ABCC1: variants seen among roughly 807,000 people sequenced by gnomAD.
ABCC1 encodes the protein multidrug resistance-associated protein 1.
ABCC1 carries 83 observed loss-of-function variants against 172.9 expected under a neutral mutation model. That is an observed-to-expected ratio of 0.48 (90% CI 0.40 to 0.58). The LOEUF is 0.58. Ranked by LOEUF, ABCC1 falls within the 20% of genes least tolerant of loss-of-function variation. ABCC1 has a pLI of 0.00. For missense variants in ABCC1, 1,817 were observed against 2,002.7 expected, an observed-to-expected ratio of 0.91 and a Z score of 1.77; for synonymous variants, 937 against 825.2, an observed-to-expected ratio of 1.14 and a Z score of -2.32.
intron 17 of ABCC1, 125 bp downstream of exon 17, chr16:16,083,667 G>A (rs1252498252): frequency 3.1e-6 from 4 of 1,272,444 alleles, no homozygotes; most frequent in Non-Finnish European, 4.4e-6. Context: ...CAGCTGGGCG[G>A]CTCTGCTGCA....
chr16:16,103,820 G>A (rs1032462900), intron 20 of ABCC1, among the ~76,000 whole-genome samples: 3 of 152,180 alleles, frequency 2.0e-5, no homozygotes, highest in African/African-American at 7.2e-5. Flanking sequence ...CATGGTTATG[G>A]TCCGGAATTG....
chr16:15,954,526 A>T (rs193064919), intron 1 of ABCC1, among the ~76,000 whole-genome samples: 1 of 151,388 alleles, frequency 6.6e-6, no homozygotes, highest in Admixed American at 6.6e-5. Context: ...CTTTGGGAGG[A>T]GATGAGGGTG....
intron 1 of ABCC1, among the ~76,000 whole-genome samples, chr16:15,990,308 A>T (rs1279917955): frequency 6.6e-6 from 1 of 152,168 alleles, no homozygotes; most frequent in African/African-American, 2.4e-5. Context: ...CGGCCTCCCA[A>T]AGTGCTGGGA....
intron 19 of ABCC1, among the ~76,000 whole-genome samples, chr16:16,100,884 C>A (rs1453622570): frequency 2.0e-5 from 3 of 152,178 alleles, no homozygotes; most frequent in Non-Finnish European, 4.4e-5. Context: ...AGTGAGAGAA[C>A]ACTTCCCACA....
intron 21 of ABCC1, among the ~76,000 whole-genome samples, chr16:16,110,174 T>G (rs1214593099): frequency 6.6e-6 from 1 of 151,932 alleles, no homozygotes; most frequent in Non-Finnish European, 1.5e-5. Flanking sequence ...AAGTTTGGCT[T>G]GGTGCAACCT....
At chr16:16,129,838 C>T (rs1026588590) in intron 26 of ABCC1, among the ~76,000 whole-genome samples, 1 of 152,142 alleles carries the variant, frequency 6.6e-6, no homozygotes, top group Non-Finnish European at 1.5e-5. Flanking sequence ...GCGCCGGCAA[C>T]GCTGTGATTT....
chr16:16,064,294 A>G (rs1203952556), intron 12 of ABCC1, among the ~76,000 whole-genome samples: 1 of 152,146 alleles, frequency 6.6e-6, no homozygotes, highest in Non-Finnish European at 1.5e-5. Context: ...CTGGAGCCCC[A>G]GTCATTGTGC....
chr16:15,968,642 G>A (rs148093330), intron 1 of ABCC1, among the ~76,000 whole-genome samples: 1 of 152,162 alleles, frequency 6.6e-6, no homozygotes, highest in African/African-American at 2.4e-5. Flanking sequence ...CTCCCAAAGT[G>A]CTGGGATTAC....
intron 19 of ABCC1, among the ~76,000 whole-genome samples, chr16:16,091,365 C>A (rs1315710657): frequency 8.1e-6 from 1 of 124,072 alleles, no homozygotes; most frequent in African/African-American, 3.1e-5. Context: ...AGGAGGAATT[C>A]AAGACCAGCC....
At chr16:16,118,144 A>G (rs1329757096) in intron 23 of ABCC1, among the ~76,000 whole-genome samples, 3 of 152,210 alleles carry the variant, frequency 2.0e-5, no homozygotes, top group Non-Finnish European at 2.9e-5. Context: ...TTACCGCTAA[A>G]GGATTAACCG....
chr16:16,007,881 C>T lies in ABCC1; in HGVS notation c.114C>T (p.Leu38=), dbSNP rs745945401. Residue 38 remains leucine (L), a synonymous_variant, in exon 2 of 31, where the codon CTC becomes CTT. Coordinates refer to ENST00000399410, the MANE Select transcript of ABCC1 (RefSeq NM_004996.4). ...CCAAGTGCTTTCAGAACACGGTCCTCGTGTGGGTGCCTTGTTTTTACCTCT... is the reference window on the plus strand; with the variant it reads ...CCAAGTGCTTTCAGAACACGGTCCTTGTGTGGGTGCCTTGTTTTTACCTCT... ...DFTKCFQNTV[L]VWVPCFYLWA... The T allele has an allele frequency of 7.4e-6, 12 of 1,613,660 alleles. No individual in the cohort carries two copies. The highest frequency in any genetic ancestry group is 3.3e-5 in the Admixed American group (2 of 59,912).
intron 1 of ABCC1, among the ~76,000 whole-genome samples, chr16:15,984,444 T>C (rs2046698053): frequency 1.7e-5 from 1 of 58,686 alleles, no homozygotes; most frequent in South Asian, 5.9e-4. Context: ...TACCTTGATA[T>C]ATACTTTTTT....
At chr16:15,984,946 CACAAAAATT>C (rs1243883110) in intron 1 of ABCC1, among the ~76,000 whole-genome samples, 1 of 151,676 alleles carries the variant, frequency 6.6e-6, no homozygotes, top group African/African-American at 2.4e-5. Flanking sequence ...CTACAAAAAT[CACAAAAATT>C]GGCTGGGCGT....
intron 5 of ABCC1, among the ~76,000 whole-genome samples, chr16:16,017,286 A>G (rs747670313): frequency 1.3e-5 from 2 of 152,080 alleles, no homozygotes; most frequent in Non-Finnish European, 2.9e-5. Flanking sequence ...GCTGGAGTGC[A>G]GTGGTGTGAT....
At chr16:16,027,022 C>T (rs1300555739) in intron 5 of ABCC1, among the ~76,000 whole-genome samples, 3 of 152,036 alleles carry the variant, frequency 2.0e-5, no homozygotes, top group Admixed American at 6.6e-5. Context: ...TTTTACTGGG[C>T]CGAGGGAAGG....
At chr16:16,038,794 A>G (rs1470407889) in intron 7 of ABCC1, among the ~76,000 whole-genome samples, 2 of 151,934 alleles carry the variant, frequency 1.3e-5, no homozygotes, top group Admixed American at 1.3e-4. Context: ...ATTCCTCATC[A>G]TCCACGCCTC....
At chr16:16,124,198 G>T (rs896654542) in intron 24 of ABCC1, among the ~76,000 whole-genome samples, 16 of 152,034 alleles carry the variant, frequency 1.1e-4, no homozygotes, top group Admixed American at 4.6e-4. Flanking sequence ...TTTTCTACTT[G>T]TTTTTAGCCA....
intron 14 of ABCC1, among the ~76,000 whole-genome samples, chr16:16,072,907 T>A (rs2050405846): frequency 1.3e-5 from 2 of 151,808 alleles, no homozygotes; most frequent in South Asian, 4.2e-4. Context: ...CTGGACATGG[T>A]GTTGGGCACC....
chr16:16,044,255 C>T (rs1315699495), intron 7 of ABCC1, among the ~76,000 whole-genome samples, 195 bp from the exon 8 acceptor site: 2 of 152,178 alleles, frequency 1.3e-5, no homozygotes, highest in African/African-American at 4.8e-5. Context: ...CCAAGCCAGA[C>T]CTTGAGCCGG....
Sources: allele counts gnomAD v4.1 joint callset (sites outside exome capture counted in the v4.1 genomes callset), GRCh38; gene constraint gnomAD v4.1.1; transcripts MANE v1.5; gene names NCBI Gene and HGNC (gene_info 2026-07-23, HGNC 2026-07-21).